The following PDE4D variants were observed in gnomAD, a reference collection of about 807,000 sequenced individuals.
PDE4D encodes phosphodiesterase 4D.
Under a neutral mutation model 87.4 loss-of-function variants are expected in PDE4D, and 24 were observed. The ratio of observed to expected loss-of-function variants is 0.27; its 90% CI spans 0.20 to 0.39. The LOEUF is 0.39. Ranked by LOEUF, PDE4D falls within the 10% of genes least tolerant of loss-of-function variation. The pLI is 1.00. For synonymous variants in PDE4D, 384 were observed against 383.2 expected (o/e 1.00, Z -0.02); for missense variants, 714 against 1,041.0 (o/e 0.69, Z 4.32).
At chr5:60,206,692 C>T (rs1742569782) in intron 1 of PDE4D, among the ~76,000 whole-genome samples, 1 of 152,206 alleles carries the variant, frequency 6.6e-6, no homozygotes, top group Non-Finnish European at 1.5e-5. Context: ...GGATAAACCA[C>T]ATTTTACTAT....
At chr5:60,416,139 G>A (rs1247364363) in intron 1 of PDE4D, among the ~76,000 whole-genome samples, 1 of 151,896 alleles carries the variant, frequency 6.6e-6, no homozygotes, top group East Asian at 1.9e-4. Flanking sequence ...GTGTGGACAT[G>A]GAGAACTTTT....
chr5:59,618,792 A>G (rs1211550676), intron 1 of PDE4D, among the ~76,000 whole-genome samples: 1 of 152,098 alleles, frequency 6.6e-6, no homozygotes, highest in Admixed American at 6.6e-5. Flanking sequence ...TTTAAGAGGT[A>G]ATTAGGTCAT....
intron 1 of PDE4D, among the ~76,000 whole-genome samples, chr5:60,254,691 T>C (rs1748856776): frequency 6.6e-6 from 1 of 151,906 alleles, no homozygotes; most frequent in South Asian, 2.1e-4. Flanking sequence ...GAGTTGTTAA[T>C]AGCGCAGACT....
At chr5:60,105,993 C>A (rs960392546) in intron 2 of PDE4D, among the ~76,000 whole-genome samples, 5 of 152,262 alleles carry the variant, frequency 3.3e-5, no homozygotes, top group South Asian at 2.1e-4. Context: ...ACAGGATCAA[C>A]TTCACACATA....
chr5:59,613,830 T>C (rs1001427849), intron 1 of PDE4D, among the ~76,000 whole-genome samples: 4 of 152,188 alleles, frequency 2.6e-5, no homozygotes, highest in Non-Finnish European at 5.9e-5. Flanking sequence ...AAAGAACAAA[T>C]GCCAGAACTT....
chr5:59,016,390 CTTTTTTTTT>C (rs35622981), intron 6 of PDE4D, among the ~76,000 whole-genome samples: 19 of 78,598 alleles, frequency 2.4e-4, no homozygotes, highest in Non-Finnish European at 2.1e-4. Context: ...TCAGTCTGTT[CTTTTTTTTT>C]TTTTTTTTTT....
In PDE4D at chr5:59,156,331, A is replaced by ATATATATATGTG. The variant is rs1384479557; in HGVS notation, c.808+24263_808+24264insCACATATATATA. Among the ~76,000 whole-genome samples, 551 of 122,728 alleles carry ATATATATATGTG rather than the reference A, an allele frequency of 4.5e-3. 6 individuals are homozygous for ATATATATATGTG. Among genetic ancestry groups the ATATATATATGTG allele is most frequent in the African/African-American group, 0.017 (496 of 29,628 alleles). The allele number at this position is 122,728 out of a possible 152,430, so 80.5% of individuals were successfully genotyped here. On this transcript the variant is annotated intron_variant, in intron 5 of 14. Coordinates refer to ENST00000340635, the MANE Select transcript of PDE4D (RefSeq NM_001104631.2). ...CCAGAAAAAAAAAAAATATATATATATGTGTGTGTGTGTGTGTGTGTGTGT... is the reference window on the plus strand; with the variant it reads ...CCAGAAAAAAAAAAAATATATATATATATATATATGTGTGTGTGTGTGTGTGTGTGTGTGTGT...
At chr5:60,380,975 C>G (rs755595452) in intron 1 of PDE4D, among the ~76,000 whole-genome samples, 1 of 152,184 alleles carries the variant, frequency 6.6e-6, no homozygotes, top group Admixed American at 6.5e-5. Context: ...CTCAGCAAAT[C>G]TAGGTGGCTC....
At chr5:60,175,098 T>C (rs1187323956) in intron 2 of PDE4D, among the ~76,000 whole-genome samples, 1 of 152,092 alleles carries the variant, frequency 6.6e-6, no homozygotes, top group Non-Finnish European at 1.5e-5. Context: ...TCTTGGATGC[T>C]CTGTTATGTT....
intron 3 of PDE4D, among the ~76,000 whole-genome samples, chr5:59,981,037 A>C (rs1761874851): frequency 6.6e-6 from 1 of 152,162 alleles, no homozygotes; most frequent in Non-Finnish European, 1.5e-5. Context: ...AGATTTCATA[A>C]GGCCAGGAGT....
intron 5 of PDE4D, among the ~76,000 whole-genome samples, chr5:59,132,042 G>A (rs1455923481): frequency 2.0e-5 from 3 of 151,950 alleles, no homozygotes; most frequent in Non-Finnish European, 2.9e-5. Context: ...TGCCCACAAA[G>A]TTGCCAATTC....
At chr5:59,880,851 A>C (rs745793646) in intron 1 of PDE4D, among the ~76,000 whole-genome samples, 8 of 152,158 alleles carry the variant, frequency 5.3e-5, no homozygotes, top group Admixed American at 4.6e-4. Context: ...ATATTGCTAT[A>C]GTGAGATTAT....
At chr5:58,991,287 TCAAAACAAA>T (rs917644139) in intron 8 of PDE4D, among the ~76,000 whole-genome samples, 33 of 84,284 alleles carry the variant, frequency 3.9e-4, no homozygotes, top group East Asian at 2.1e-3. Context: ...AGACTATGTC[TCAAAACAAA>T]CAAAACAAAA....
At position 58,975,951 on chromosome 5, in the gene PDE4D, A is replaced by G. The variant is rs2153304190; in HGVS notation, c.1831-112T>C. The G allele has an allele frequency of 1.3e-6, 1 of 769,740 alleles. No individual in the cohort carries two copies. Among genetic ancestry groups the G allele is most frequent in the Non-Finnish European group, 1.9e-6 (1 of 515,760 alleles). The allele number at this position is 769,740 out of a possible 1,614,324, so 47.7% of individuals were successfully genotyped here. A position where few individuals can be genotyped will look rare whatever the true frequency, so the allele number is the denominator to read the frequency against. ...GACTGCAACACTTAAAAATACACGT[A>G]GTGTAAGATTTATTCCAAACAGCTC... On this transcript the variant is annotated intron_variant, in intron 13 of 14. Transcript: ENST00000340635. The surrounding 1 kb of genome is among the most constrained non-coding windows in gnomAD (Gnocchi z 4.2).
intron 1 of PDE4D, among the ~76,000 whole-genome samples, chr5:60,387,160 A>T (rs1459103056): frequency 6.6e-6 from 1 of 152,234 alleles, no homozygotes; most frequent in Non-Finnish European, 1.5e-5. Context: ...GGACAAGGTG[A>T]TCTGTTACAG....
At chr5:58,998,828 G>A (rs568042971) in intron 6 of PDE4D, among the ~76,000 whole-genome samples, 1 of 152,222 alleles carries the variant, frequency 6.6e-6, no homozygotes, top group South Asian at 2.1e-4. Context: ...CTATTGTGGA[G>A]ACAGGATCAC....
At chr5:59,204,193 CAA>C (rs11346574) in intron 2 of PDE4D, among the ~76,000 whole-genome samples, 7,662 of 133,646 alleles carry the variant, frequency 0.057, 791 homozygotes, top group East Asian at 0.45. Context: ...CATCTTTGAC[CAA>C]AAAAAAAAAA....
At chr5:59,433,925 G>T (rs1796456162) in intron 1 of PDE4D, among the ~76,000 whole-genome samples, 1 of 151,958 alleles carries the variant, frequency 6.6e-6, no homozygotes, top group Non-Finnish European at 1.5e-5. Flanking sequence ...CTAATAACTG[G>T]AATAATACAT....
chr5:59,673,201 T>C (rs1463242445), intron 1 of PDE4D, among the ~76,000 whole-genome samples: 3 of 152,184 alleles, frequency 2.0e-5, no homozygotes. Flanking sequence ...CCCAACTGTT[T>C]GCCTAAGACT....
Sources: gnomAD v4.1 joint callset for allele counts (sites outside exome capture counted in the v4.1 genomes callset) on GRCh38, gnomAD v4.1.1 for gene constraint, Gnocchi (gnomAD v3.1) non-coding constraint, MANE v1.5 for transcripts, NCBI Gene and HGNC (gene_info 2026-07-23, HGNC 2026-07-21) for gene names.